The following ROBO2 variants were observed in gnomAD, a reference collection of about 807,000 sequenced individuals.
ROBO2 encodes the protein roundabout guidance receptor 2.
In ROBO2, 53 loss-of-function variants were observed where a neutral mutation model predicts 160.8. The observed-to-expected ratio is 0.33, with a 90% confidence interval of 0.26 to 0.41. The LOEUF is 0.41. ROBO2 is among the 10% of genes least tolerant of loss of function. The pLI, the probability that ROBO2 is intolerant of heterozygous loss-of-function variation, is 1.00. For missense variants in ROBO2, 1,577 were observed against 1,722.4 expected (o/e 0.92, Z 1.49); for synonymous variants, 664 against 611.7 (o/e 1.09, Z -1.26).
intron 2 of ROBO2, among the ~76,000 whole-genome samples, chr3:77,324,734 A>G (rs1368660226): frequency 6.7e-6 from 1 of 149,322 alleles, no homozygotes; most frequent in East Asian, 2.0e-4. Flanking sequence ...GTGAGCCGAG[A>G]TCGCGCCACT....
chr3:77,378,799 C>T (rs1164061877), intron 2 of ROBO2, among the ~76,000 whole-genome samples: 1 of 152,152 alleles, frequency 6.6e-6, no homozygotes, highest in African/African-American at 2.4e-5. Context: ...TATGCAATTA[C>T]TTCTGCATAG....
chr3:76,005,244 C>T (rs2065988295), intron 2 of ROBO2, among the ~76,000 whole-genome samples: 1 of 152,124 alleles, frequency 6.6e-6, no homozygotes, highest in Admixed American at 6.5e-5. Flanking sequence ...AGAAATTAAA[C>T]ATTCACCACA....
Position 76,007,605 on chromosome 3 carries a change from A to C in ROBO2, c.109+70003A>C, listed in dbSNP as rs142725529. Among the ~76,000 whole-genome samples, 361 of 152,292 alleles carry C rather than the reference A, an allele frequency of 2.4e-3. 1 individual carries two copies. The highest frequency in any genetic ancestry group is 4.3e-3 in the Admixed American group (66 of 15,296). ...ATGAAATCCAGAAGTAAATGGTACC[A>C]CTTGTAAACATACCTCTGACATTAG... On this transcript the variant is annotated intron_variant, in intron 2 of 26. Transcript: ENST00000487694.
At chr3:77,016,940 TATA>T (rs1428649007) in intron 2 of ROBO2, among the ~76,000 whole-genome samples, 4 of 152,178 alleles carry the variant, frequency 2.6e-5, no homozygotes, top group Admixed American at 6.6e-5. Context: ...CTTCATATAT[TATA>T]ATAATATTTA....
At chr3:76,818,119 G>A (rs1230759015) in intron 2 of ROBO2, among the ~76,000 whole-genome samples, 1 of 151,678 alleles carries the variant, frequency 6.6e-6, no homozygotes, top group Admixed American at 6.6e-5. Flanking sequence ...TTCTACCAGC[G>A]GTGTAAAAGT....
chr3:76,122,208 TCAGTCAAACA>T (rs1204195638), intron 2 of ROBO2, among the ~76,000 whole-genome samples: 1 of 152,082 alleles, frequency 6.6e-6, no homozygotes, highest in African/African-American at 2.4e-5. Flanking sequence ...AAATTTAGAG[TCAGTCAAACA>T]TGAATGTTGA....
At chr3:77,641,185 AT>A (rs1440881555) in intron 24 of ROBO2, among the ~76,000 whole-genome samples, 1 of 152,234 alleles carries the variant, frequency 6.6e-6, no homozygotes, top group Non-Finnish European at 1.5e-5. Context: ...TTAGCTCTTC[AT>A]TTTGGAAAAA....
intron 2 of ROBO2, among the ~76,000 whole-genome samples, chr3:77,316,107 T>C (rs1406811761): frequency 2.0e-5 from 3 of 152,178 alleles, no homozygotes; most frequent in Non-Finnish European, 4.4e-5. Context: ...CTTCCAAGCT[T>C]ATAGCTGGAG....
At chr3:76,962,328 C>T (rs2079727122) in intron 2 of ROBO2, among the ~76,000 whole-genome samples, 1 of 151,494 alleles carries the variant, frequency 6.6e-6, no homozygotes, top group South Asian at 2.1e-4. Flanking sequence ...AGCGAGATTC[C>T]ATTAAAAAAA....
chr3:76,043,620 CAA>C (rs56988287), intron 2 of ROBO2, among the ~76,000 whole-genome samples: 50 of 38,442 alleles, frequency 1.3e-3, no homozygotes, highest in African/African-American at 4.1e-3. Flanking sequence ...CTTCATCGTC[CAA>C]AAAAAAAAAA....
intron 2 of ROBO2, among the ~76,000 whole-genome samples, chr3:77,373,893 G>A (rs924612029): frequency 1.3e-5 from 2 of 150,912 alleles, no homozygotes; most frequent in African/African-American, 4.9e-5. Context: ...AAATGTTGGC[G>A]GGGCGCGATG....
At chr3:77,377,879 C>T (rs533191614) in intron 2 of ROBO2, among the ~76,000 whole-genome samples, 267 of 152,236 alleles carry the variant, frequency 1.8e-3, no homozygotes, top group African/African-American at 5.7e-3. Context: ...TTCAGCCTGG[C>T]GGCCAAACAG....
intron 1 of ROBO2, among the ~76,000 whole-genome samples, chr3:77,088,548 C>A (rs1463646840): frequency 6.6e-6 from 1 of 152,128 alleles, no homozygotes; most frequent in Admixed American, 6.5e-5. Context: ...TGCTATCACT[C>A]CCCACGCTGC....
At chr3:76,181,311 TA>T (rs1701491171) in intron 2 of ROBO2, among the ~76,000 whole-genome samples, 1 of 152,174 alleles carries the variant, frequency 6.6e-6, no homozygotes, top group Admixed American at 6.6e-5. Context: ...AATGTTGGAT[TA>T]ATTTTTTATT....
intron 2 of ROBO2, among the ~76,000 whole-genome samples, chr3:77,372,259 T>G (rs2071874453): frequency 6.6e-6 from 1 of 152,120 alleles, no homozygotes; most frequent in Non-Finnish European, 1.5e-5. Flanking sequence ...GGTTTAGGCA[T>G]AGTCAATTCT....
chr3:76,442,284 A>T (rs555497819), intron 2 of ROBO2, among the ~76,000 whole-genome samples: 7 of 152,310 alleles, frequency 4.6e-5, no homozygotes, highest in Non-Finnish European at 8.8e-5. Context: ...CTGCCCCAGC[A>T]ACTTATCCCT....
chr3:77,313,024 G>A (rs1378868592), intron 2 of ROBO2, among the ~76,000 whole-genome samples: 1 of 152,236 alleles, frequency 6.6e-6, no homozygotes, highest in East Asian at 1.9e-4. Flanking sequence ...CCCAGCAGTT[G>A]CATCCATAAA....
chr3:76,611,633 G>T (rs917401314), intron 2 of ROBO2, among the ~76,000 whole-genome samples: 3 of 152,092 alleles, frequency 2.0e-5, no homozygotes, highest in Non-Finnish European at 4.4e-5. Context: ...TTTCATCTCT[G>T]ATTTTATTTA....
At chr3:75,937,195 T>C (rs570498940) in intron 1 of ROBO2, among the ~76,000 whole-genome samples, 9 of 152,260 alleles carry the variant, frequency 5.9e-5, no homozygotes, top group Non-Finnish European at 1.0e-4. Flanking sequence ...AATATGTATA[T>C]TGGGAGTACT....
Sources: gnomAD v4.1 joint callset for allele counts (sites outside exome capture counted in the v4.1 genomes callset) on GRCh38, gnomAD v4.1.1 for gene constraint, MANE v1.5 for transcripts, NCBI Gene and HGNC (gene_info 2026-07-23, HGNC 2026-07-21) for gene names.